Variants in TMEM209 observed in about 807,000 individuals in gnomAD.
The protein encoded by TMEM209 is transmembrane protein 209.
Under a neutral mutation model 76.2 loss-of-function variants are expected in TMEM209, and 65 were observed. The observed-to-expected ratio is 0.85, with a 90% CI of 0.70 to 1.05. The LOEUF (loss-of-function observed/expected upper bound fraction) is 1.05, where lower values mean the gene tolerates loss of function less well. Among genes scored for constraint, TMEM209 ranks in the 50% least tolerant of loss-of-function variants. The pLI is 0.00. For missense variants in TMEM209, 623 were observed against 685.5 expected (o/e 0.91, Z 1.02); for synonymous variants, 239 against 237.6 (o/e 1.01, Z -0.06).
At chr7:130,187,008 C>T (rs1462369932) in intron 6 of TMEM209, among the ~76,000 whole-genome samples, 5 of 152,012 alleles carry the variant, frequency 3.3e-5, no homozygotes, top group African/African-American at 4.8e-5. Context: ...TTTGGGAGGC[C>T]GAGGCGGGCA....
chr7:130,184,324 T>C, intron 7 of TMEM209, 69 bp from the exon 8 acceptor site: 1 of 1,137,870 alleles, frequency 8.8e-7, no homozygotes, highest in Non-Finnish European at 1.2e-6. Flanking sequence ...TCATTCTTTC[T>C]CCCATCCTAA....
At chr7:130,193,086 T>C (rs532640727) in intron 5 of TMEM209, among the ~76,000 whole-genome samples, 2 of 152,230 alleles carry the variant, frequency 1.3e-5, no homozygotes, top group Non-Finnish European at 2.9e-5. Flanking sequence ...ATTGTGCTCC[T>C]TAGTATTACC....
chr7:130,166,517 A>C lies in TMEM209; in HGVS notation c.1632-12T>G, dbSNP rs1796887313. The C allele has an allele frequency of 6.7e-7, 1 of 1,501,238 alleles. No individual in the cohort carries two copies. The highest frequency in any genetic ancestry group is 1.4e-5 in the South Asian group (1 of 74,004). 93.0% of individuals were successfully genotyped at this position (1,501,238 alleles called of 1,614,324 possible). On this transcript the variant is annotated splice_polypyrimidine_tract_variant and intron_variant, in intron 14 of 14. Transcript: ENST00000397622. ...CAAGATTAACTCTCCTATAAAGAGA[A>C]AAAAAATTTTTATTAGAATTGGTTG...
chr7:130,170,488 A>G lies in TMEM209; in HGVS notation c.1558-15T>C, dbSNP rs1797033200. On this transcript the variant is annotated splice_polypyrimidine_tract_variant and intron_variant, in intron 13 of 14. Coordinates refer to ENST00000397622, the MANE Select transcript of TMEM209 (RefSeq NM_032842.4). ...TTATTTCTGCCCTGGAACAAAGACA[A>G]AAAAGACAAGATTTAAACCAAATGA... The G allele has an allele frequency of 1.8e-5, 29 of 1,604,002 alleles. No individual in the cohort carries two copies. Among genetic ancestry groups the G allele is most frequent in the Non-Finnish European group, 2.4e-5 (28 of 1,174,098 alleles).
intron 5 of TMEM209, among the ~76,000 whole-genome samples, chr7:130,197,273 C>G (rs1446268812): frequency 1.3e-5 from 2 of 152,098 alleles, no homozygotes; most frequent in East Asian, 3.8e-4. Context: ...TGTATACATA[C>G]AATGGAATAT....
chr7:130,202,505 C>G, intron 4 of TMEM209, 27 bp downstream of exon 4: 4 of 1,579,558 alleles, frequency 2.5e-6, no homozygotes, highest in Non-Finnish European at 3.4e-6. Flanking sequence ...CTTTTCCCCA[C>G]CTTTGCAAGA....
chr7:130,169,351 G>A (rs534940827), intron 14 of TMEM209, among the ~76,000 whole-genome samples: 12 of 152,196 alleles, frequency 7.9e-5, no homozygotes, highest in African/African-American at 2.9e-4. Flanking sequence ...AACTGCAAAT[G>A]CAAGCCACAT....
At chr7:130,176,125 T>C (rs571680715) in intron 10 of TMEM209, among the ~76,000 whole-genome samples, 2 of 151,496 alleles carry the variant, frequency 1.3e-5, no homozygotes, top group South Asian at 4.2e-4. Context: ...CTTTTTTTTT[T>C]TTTTTGAGAC....
intron 7 of TMEM209, among the ~76,000 whole-genome samples, chr7:130,184,694 T>C (rs1258351055): frequency 6.6e-6 from 1 of 152,158 alleles, no homozygotes; most frequent in African/African-American, 2.4e-5. Flanking sequence ...GGTTTCACCA[T>C]GTTGGCCAGA....
rs781334321 is a variant in TMEM209 at position 130,201,987 on chromosome 7, G to A, written c.436C>T (p.Arg146Cys). The change falls in exon 5 of 15, where the codon CGT becomes TGT. Residue 146 changes from arginine to cysteine, a missense_variant. Coordinates refer to ENST00000397622, the MANE Select transcript of TMEM209 (RefSeq NM_032842.4). The part of the protein sequence containing the change: ...GQSVLSYSPS[R>C]SPSTSPKFTT... ...AACTTGGGACTGGTACTGGGCGAACGAGAAGGGCTATAACTCAACACACTC... is the reference window on the plus strand; with the variant it reads ...AACTTGGGACTGGTACTGGGCGAACAAGAAGGGCTATAACTCAACACACTC... The A allele has an allele frequency of 9.9e-6, 16 of 1,613,776 alleles. No individual in the cohort carries two copies. The highest frequency in any genetic ancestry group is 1.6e-4 in the Middle Eastern group (1 of 6,084).
rs1268506092 is a variant in TMEM209 at position 130,166,100 on chromosome 7, G to A, written c.*351C>T. ...AAATTTTTTTTTGGTACAAGAATCA[G>A]GTAGATGATTCTCATTTGGGGGTTA... On this transcript the variant is annotated 3_prime_UTR_variant, in exon 15 of 15. Coordinates refer to ENST00000397622, the MANE Select transcript of TMEM209 (RefSeq NM_032842.4). 5.9e-6 allele frequency: 1 copy of A among 168,196 alleles called. No individual in the cohort carries two copies. Among genetic ancestry groups the A allele is most frequent in the Non-Finnish European group, 1.3e-5 (1 of 79,226 alleles). The allele number at this position is 168,196 out of a possible 1,614,324, so 10.4% of individuals were successfully genotyped here. A position where few individuals can be genotyped will look rare whatever the true frequency, so the allele number is the denominator to read the frequency against.
At chr7:130,188,284 T>C (rs936531582) in intron 6 of TMEM209, among the ~76,000 whole-genome samples, 1 of 151,990 alleles carries the variant, frequency 6.6e-6, no homozygotes, top group African/African-American at 2.4e-5. Context: ...CTATGAAGTG[T>C]AGAAATAAAT....
chr7:130,179,523 G>T (rs1163840040), intron 9 of TMEM209, among the ~76,000 whole-genome samples: 1 of 152,094 alleles, frequency 6.6e-6, no homozygotes, highest in African/African-American at 2.4e-5. Context: ...ATCATATCCT[G>T]CAAGATAACT....
At chr7:130,183,015 A>C (rs191167481) in intron 8 of TMEM209, among the ~76,000 whole-genome samples, 1 of 152,172 alleles carries the variant, frequency 6.6e-6, no homozygotes, top group African/African-American at 2.4e-5. Context: ...TGTATTGCTT[A>C]AAAAAATCCA....
At chr7:130,205,264 C>T (rs543786303) in intron 1 of TMEM209, 109 bp downstream of exon 1, 48 of 1,610,844 alleles carry the variant, frequency 3.0e-5, no homozygotes, top group Admixed American at 1.0e-4. Flanking sequence ...GGCGGAACGC[C>T]TAGCCACATC....
At position 130,164,974 on chromosome 7, in the gene TMEM209, AAGAC is replaced by A. The variant is rs756282632; in HGVS notation, c.*1473_*1476del. ...TTTAAAAACACGAACAACTTTTTGA[AAGAC>A]AGAATTTACAAATACAGAACTGTAC... On this transcript the variant is annotated 3_prime_UTR_variant, in exon 15 of 15. Transcript: ENST00000397622. 1 of 152,248 alleles carries A rather than the reference AAGAC, an allele frequency of 6.6e-6. No homozygotes were observed. The highest frequency in any genetic ancestry group is 6.5e-5 in the Admixed American group (1 of 15,290). The allele number at this position is 152,248 out of a possible 1,614,324, so 9.4% of individuals were successfully genotyped here. A position where few individuals can be genotyped will look rare whatever the true frequency, so the allele number is the denominator to read the frequency against.
intron 5 of TMEM209, among the ~76,000 whole-genome samples, chr7:130,194,412 C>T (rs2117019210): frequency 6.6e-6 from 1 of 151,500 alleles, no homozygotes; most frequent in East Asian, 1.9e-4. Context: ...CACTGCATTC[C>T]AGCCTGGGTG....
chr7:130,197,244 G>A (rs1333765388), intron 5 of TMEM209, among the ~76,000 whole-genome samples: 1 of 152,194 alleles, frequency 6.6e-6, no homozygotes, highest in African/African-American at 2.4e-5. Flanking sequence ...CAACATATGA[G>A]TGGATAAACA....
intron 9 of TMEM209, among the ~76,000 whole-genome samples, chr7:130,178,946 C>T (rs1797327240): frequency 6.6e-6 from 1 of 151,836 alleles, no homozygotes; most frequent in Non-Finnish European, 1.5e-5. Flanking sequence ...ACCTGGTTCA[C>T]TTTTTTTCTT....
Sources: allele counts gnomAD v4.1 joint callset (sites outside exome capture counted in the v4.1 genomes callset), GRCh38; gene constraint gnomAD v4.1.1; transcripts MANE v1.5; gene names NCBI Gene and HGNC (gene_info 2026-07-23, HGNC 2026-07-21).